CA10: variants seen among roughly 807,000 people sequenced by gnomAD.
CA10 encodes carbonic anhydrase-related protein 10.
In CA10, 14 loss-of-function variants were observed where a neutral mutation model predicts 44.2. The observed-to-expected ratio is 0.32, with a 90% confidence interval of 0.21 to 0.50. CA10 has a LOEUF of 0.50. CA10 is among the 20% of genes least tolerant of loss of function. The pLI, the probability that CA10 is intolerant of heterozygous loss-of-function variation, is 0.99. For missense variants in CA10, 350 were observed against 409.7 expected, an observed-to-expected ratio of 0.85 and a Z score of 1.26; for synonymous variants, 159 against 141.6, an observed-to-expected ratio of 1.12 and a Z score of -0.87.
chr17:51,674,758 T>C (rs998179303), intron 4 of CA10, among the ~76,000 whole-genome samples: 5 of 152,206 alleles, frequency 3.3e-5, no homozygotes, highest in African/African-American at 9.7e-5. Context: ...TTTTATCACG[T>C]GGCCGTGGAC....
intron 3 of CA10, among the ~76,000 whole-genome samples, chr17:51,915,216 C>T (rs1981946169): frequency 6.6e-6 from 1 of 152,166 alleles, no homozygotes; most frequent in Non-Finnish European, 1.5e-5. Context: ...CTCAAGCATC[C>T]TACAGGGATG....
chr17:51,696,316 G>T (rs1168633547), intron 4 of CA10, among the ~76,000 whole-genome samples: 2 of 152,028 alleles, frequency 1.3e-5, no homozygotes, highest in East Asian at 3.9e-4. Context: ...TTGGTTATAG[G>T]TTTTAAATTA....
chr17:51,992,009 C>A (rs557082879), intron 2 of CA10, among the ~76,000 whole-genome samples: 1 of 151,830 alleles, frequency 6.6e-6, no homozygotes, highest in Non-Finnish European at 1.5e-5. Context: ...TCTAACATAC[C>A]AAGAAGTAAA....
chr17:51,900,132 C>G (rs1981248099), intron 3 of CA10, among the ~76,000 whole-genome samples: 1 of 152,026 alleles, frequency 6.6e-6, no homozygotes, highest in African/African-American at 2.4e-5. Flanking sequence ...TGTCAATATT[C>G]TACACATTTG....
At chr17:51,700,879 G>A (rs1180819503) in intron 4 of CA10, among the ~76,000 whole-genome samples, 2 of 152,038 alleles carry the variant, frequency 1.3e-5, no homozygotes, top group East Asian at 3.9e-4. Flanking sequence ...AGAACACATG[G>A]ACACAGGGAG....
intron 2 of CA10, among the ~76,000 whole-genome samples, chr17:52,047,592 T>C (rs1986946730): frequency 6.6e-6 from 1 of 151,972 alleles, no homozygotes; most frequent in African/African-American, 2.4e-5. Flanking sequence ...AAGTAATTCA[T>C]GCAAATTATT....
At chr17:51,839,956 C>T (rs962494398) in intron 3 of CA10, among the ~76,000 whole-genome samples, 25 of 152,264 alleles carry the variant, frequency 1.6e-4, no homozygotes, top group African/African-American at 5.8e-4. Context: ...CTTACACTTA[C>T]GCTAGAAAGT....
At chr17:51,754,730 A>C (rs765124818) in intron 3 of CA10, among the ~76,000 whole-genome samples, 3 of 151,938 alleles carry the variant, frequency 2.0e-5, no homozygotes, top group Admixed American at 6.6e-5. Flanking sequence ...AAATATCCCA[A>C]TTAATGTTTG....
At chr17:51,960,842 A>G (rs1983859496) in intron 2 of CA10, among the ~76,000 whole-genome samples, 3 of 152,348 alleles carry the variant, frequency 2.0e-5, no homozygotes, top group Non-Finnish European at 2.9e-5. Flanking sequence ...AAATACCACA[A>G]GTGATGGTCA....
intron 1 of CA10, among the ~76,000 whole-genome samples, chr17:52,110,596 A>C (rs1156498358): frequency 2.0e-5 from 3 of 152,204 alleles, no homozygotes; most frequent in Non-Finnish European, 2.9e-5. Flanking sequence ...GGTCTCAGAA[A>C]GAAAGGAGTT....
chr17:52,093,985 T>C (rs1484880349), intron 1 of CA10, among the ~76,000 whole-genome samples: 2 of 152,160 alleles, frequency 1.3e-5, no homozygotes, highest in East Asian at 3.8e-4. Flanking sequence ...TGAGTTCATG[T>C]CCTTTGCAGG....
chr17:51,922,861 C>A (rs1046821768), intron 3 of CA10, among the ~76,000 whole-genome samples: 2 of 152,046 alleles, frequency 1.3e-5, no homozygotes, highest in East Asian at 3.9e-4. Context: ...AGATAACACA[C>A]CTACTTTTTC....
intron 1 of CA10, among the ~76,000 whole-genome samples, chr17:52,149,915 TG>T (rs1188513093): frequency 6.6e-6 from 1 of 152,172 alleles, no homozygotes; most frequent in Admixed American, 6.5e-5. Context: ...CATACTTCCT[TG>T]GGCCTTTAAA....
intron 4 of CA10, among the ~76,000 whole-genome samples, chr17:51,743,389 G>A (rs1215275934): frequency 3.3e-5 from 5 of 152,118 alleles, no homozygotes; most frequent in Admixed American, 2.0e-4. Flanking sequence ...GCAAGCTAAG[G>A]GTCTTACTTA....
chr17:51,652,326 T>C (rs761719856), intron 5 of CA10, among the ~76,000 whole-genome samples: 5 of 152,218 alleles, frequency 3.3e-5, no homozygotes, highest in African/African-American at 4.8e-5. Flanking sequence ...CATTCAGAAA[T>C]CTACTGTTTA....
chr17:52,120,564 A>G lies in CA10; in HGVS notation c.61+37162T>C, dbSNP rs566583923. ...TAGTAGGGGGAATGATAGATGCAGG[A>G]GGCAGATAAGGAAGTGTCCCTGGAG... On this transcript the variant is annotated intron_variant, in intron 1 of 8. Transcript: ENST00000451037. Among the ~76,000 whole-genome samples the G allele has an allele frequency of 5.9e-5, 9 of 152,296 alleles. No homozygotes were observed. In the East Asian group the frequency reaches 1.7e-3, roughly 29 times the overall value.
chr17:52,069,524 C>T (rs1334768576), intron 2 of CA10, among the ~76,000 whole-genome samples: 1 of 152,146 alleles, frequency 6.6e-6, no homozygotes, highest in African/African-American at 2.4e-5. Flanking sequence ...ACTGTGTTGC[C>T]TCCTTTACAT....
At chr17:51,687,672 G>C (rs889756416) in intron 4 of CA10, among the ~76,000 whole-genome samples, 7 of 152,156 alleles carry the variant, frequency 4.6e-5, no homozygotes, top group African/African-American at 1.7e-4. Flanking sequence ...CTATCAAATA[G>C]AAACAACTTG....
intron 4 of CA10, among the ~76,000 whole-genome samples, chr17:51,695,144 T>G (rs1405555419): frequency 6.6e-6 from 1 of 152,174 alleles, no homozygotes. Flanking sequence ...CTCATGTTCT[T>G]TTTTGGTTCC....
Sources: gnomAD v4.1 joint callset for allele counts (sites outside exome capture counted in the v4.1 genomes callset) on GRCh38, gnomAD v4.1.1 for gene constraint, MANE v1.5 for transcripts, NCBI Gene and HGNC (gene_info 2026-07-23, HGNC 2026-07-21) for gene names.